Variants in CAMTA1 observed in about 807,000 individuals in gnomAD.
CAMTA1 encodes calmodulin-binding transcription activator 1.
CAMTA1 carries 27 observed loss-of-function variants against 170.9 expected under a neutral mutation model. That is an observed-to-expected ratio of 0.16 (90% CI 0.12 to 0.22). The LOEUF (loss-of-function observed/expected upper bound fraction) is 0.22, where lower values mean the gene tolerates loss of function less well. Ranked by LOEUF, CAMTA1 falls within the 10% of genes least tolerant of loss-of-function variation. The pLI is 1.00. For synonymous variants in CAMTA1, 833 were observed against 891.5 expected (o/e 0.93, Z 1.17); for missense variants, 1,619 against 2,217.2 (o/e 0.73, Z 5.42).
At chr1:7,411,342 A>G (rs533524969) in intron 5 of CAMTA1, among the ~76,000 whole-genome samples, 7 of 152,312 alleles carry the variant, frequency 4.6e-5, no homozygotes, top group Non-Finnish European at 8.8e-5. Context: ...ATAAGAGACC[A>G]TCCTGGCCAA....
chr1:7,204,299 A>G (rs1211432601), intron 4 of CAMTA1, among the ~76,000 whole-genome samples: 1 of 151,760 alleles, frequency 6.6e-6, no homozygotes, highest in Non-Finnish European at 1.5e-5. Context: ...GTTTTTTCTG[A>G]GTTCCTTTAA....
At chr1:6,921,761 T>C (rs182569792) in intron 3 of CAMTA1, among the ~76,000 whole-genome samples, 1 of 152,330 alleles carries the variant, frequency 6.6e-6, no homozygotes, top group East Asian at 1.9e-4. Context: ...AACTCCCCCT[T>C]ATAATCCCGT....
At chr1:7,229,097 G>T (rs1016919413) in intron 4 of CAMTA1, among the ~76,000 whole-genome samples, 2 of 151,918 alleles carry the variant, frequency 1.3e-5, no homozygotes, top group African/African-American at 4.8e-5. Flanking sequence ...AGTCCAGGAG[G>T]AGATGATGAG....
chr1:7,209,414 G>T (rs1658351818), intron 4 of CAMTA1, among the ~76,000 whole-genome samples: 1 of 152,102 alleles, frequency 6.6e-6, no homozygotes, highest in Admixed American at 6.5e-5. Flanking sequence ...TAACACTTTG[G>T]GGTTGATTCA....
At chr1:6,835,604 A>G (rs1652689922) in intron 3 of CAMTA1, among the ~76,000 whole-genome samples, 1 of 152,182 alleles carries the variant, frequency 6.6e-6, no homozygotes, top group Non-Finnish European at 1.5e-5. Flanking sequence ...ATTTCTAACA[A>G]GTGCCCAGGT....
At position 7,732,427 on chromosome 1, in the gene CAMTA1, C is replaced by T; in HGVS notation, c.2915-21C>T. ...TTTTCTTCCAGAACACAACCTCACT[C>T]TTCCTCCTGCTCTGCCCTAGATAAC... On this transcript the variant is annotated intron_variant, in intron 11 of 22. Coordinates refer to ENST00000303635, the MANE Select transcript of CAMTA1 (RefSeq NM_015215.4). The surrounding 1 kb of genome is among the most constrained non-coding windows in gnomAD (Gnocchi z 4.1). The T allele has an allele frequency of 6.2e-7, 1 of 1,608,782 alleles. No homozygotes were observed.
intron 6 of CAMTA1, among the ~76,000 whole-genome samples, chr1:7,503,718 C>T (rs981119366): frequency 6.6e-6 from 1 of 152,198 alleles, no homozygotes; most frequent in South Asian, 2.1e-4. Context: ...CAGCTCAGCT[C>T]GATTCTTAGA....
chr1:6,811,443 A>AC (rs1268073998), intron 1 of CAMTA1, among the ~76,000 whole-genome samples: 5 of 152,042 alleles, frequency 3.3e-5, no homozygotes, highest in South Asian at 2.1e-4. Flanking sequence ...ATGATAAATG[A>AC]CCCCAAACTG....
rs1375456160 is a variant in CAMTA1 at position 7,732,038 on chromosome 1, T to TAC, written c.2915-409_2915-408dup. ...TACCTTTTTTTTTTTTTGTCTAACA[T>TAC]ACCTTCCTTTCTTGCTGTGATTGCT... is the stretch of plus-strand genomic sequence containing the variant. On this transcript the variant is annotated intron_variant, in intron 11 of 22. Coordinates refer to ENST00000303635, the MANE Select transcript of CAMTA1 (RefSeq NM_015215.4). The surrounding 1 kb of genome is among the most constrained non-coding windows in gnomAD (Gnocchi z 4.1). Among the ~76,000 whole-genome samples, 1 of 148,564 alleles carries TAC rather than the reference T, an allele frequency of 6.7e-6. No individual in the cohort carries two copies. The highest frequency in any genetic ancestry group is 1.5e-5 in the Non-Finnish European group (1 of 67,218).
chr1:7,643,583 G>T (rs920093977), intron 7 of CAMTA1, among the ~76,000 whole-genome samples: 1 of 152,236 alleles, frequency 6.6e-6, no homozygotes, highest in African/African-American at 2.4e-5. Flanking sequence ...ATGAACTCCA[G>T]GGGGTGGAAA....
chr1:7,422,968 C>T (rs896052182), intron 5 of CAMTA1, among the ~76,000 whole-genome samples: 3 of 152,018 alleles, frequency 2.0e-5, no homozygotes, highest in Admixed American at 6.5e-5. Context: ...GATGCATTTT[C>T]AGAGCATAGA....
At chr1:7,539,667 C>T (rs542190060) in intron 6 of CAMTA1, among the ~76,000 whole-genome samples, 6 of 152,362 alleles carry the variant, frequency 3.9e-5, no homozygotes, top group Admixed American at 3.9e-4. Flanking sequence ...TGCTATCGTT[C>T]TCATACAGAA....
chr1:7,392,523 G>T (rs1406823217), intron 5 of CAMTA1, among the ~76,000 whole-genome samples: 5 of 150,030 alleles, frequency 3.3e-5, no homozygotes, highest in Admixed American at 6.7e-5. Context: ...CCAAAGTGCT[G>T]GGATTACAGG....
chr1:6,983,909 T>A (rs1392001146), intron 3 of CAMTA1, among the ~76,000 whole-genome samples: 1 of 87,694 alleles, frequency 1.1e-5, no homozygotes, highest in Non-Finnish European at 2.1e-5. Flanking sequence ...GATTGATGAT[T>A]GGGTGGGTGG....
At chr1:7,566,536 A>C (rs946779265) in intron 6 of CAMTA1, among the ~76,000 whole-genome samples, 5 of 151,992 alleles carry the variant, frequency 3.3e-5, no homozygotes, top group Non-Finnish European at 7.4e-5. Context: ...GTTGTTGATG[A>C]GCAGAGAGAA....
chr1:7,404,750 C>G (rs76383404), intron 5 of CAMTA1, among the ~76,000 whole-genome samples: 3 of 152,178 alleles, frequency 2.0e-5, no homozygotes, highest in African/African-American at 7.2e-5. Context: ...GAAGAGCCAG[C>G]CTCCTTTCCT....
At chr1:7,549,705 G>A (rs2094772555) in intron 6 of CAMTA1, among the ~76,000 whole-genome samples, 1 of 152,138 alleles carries the variant, frequency 6.6e-6, no homozygotes, top group South Asian at 2.1e-4. Flanking sequence ...GACACCTGTG[G>A]GCCGGGAGAG....
At chr1:7,636,434 C>A (rs569386047) in intron 6 of CAMTA1, among the ~76,000 whole-genome samples, 18 of 152,152 alleles carry the variant, frequency 1.2e-4, no homozygotes, top group Non-Finnish European at 2.1e-4. Flanking sequence ...AAAGGCTTCC[C>A]GGCCGGGTGC....
At chr1:6,796,132 C>CTTTTTTTT (rs978363793) in intron 1 of CAMTA1, among the ~76,000 whole-genome samples, 1 of 70,948 alleles carries the variant, frequency 1.4e-5, no homozygotes, top group African/African-American at 5.9e-5. Context: ...AATAGCATTT[C>CTTTTTTTT]TTTTTTTTTT....
Sources: allele counts gnomAD v4.1 joint callset (sites outside exome capture counted in the v4.1 genomes callset), GRCh38; gene constraint gnomAD v4.1.1; non-coding constraint Gnocchi (gnomAD v3.1); transcripts MANE v1.5; gene names NCBI Gene and HGNC (gene_info 2026-07-23, HGNC 2026-07-21).